P2RY2: variants seen among roughly 807,000 people sequenced by gnomAD.
P2RY2 encodes the protein P2Y purinoceptor 2.
For synonymous variants in P2RY2, 241 were observed against 231.9 expected (o/e 1.04, Z -0.35); for missense variants, 567 against 515.7 (o/e 1.10, Z -0.96).
At chr11:73,230,919 T>G (rs1591635158) in intron 2 of P2RY2, among the ~76,000 whole-genome samples, 2 of 1,166 alleles carry the variant, frequency 1.7e-3, no homozygotes, top group Admixed American at 0.01. Context: ...TTTTTGTGGG[T>G]GGGTGGGTGG....
intron 2 of P2RY2, among the ~76,000 whole-genome samples, chr11:73,229,489 TGGCTGTCCCTCTAAGGCAGG>T (rs1332461152): frequency 7.9e-5 from 12 of 151,998 alleles, no homozygotes; most frequent in East Asian, 3.9e-4. Flanking sequence ...GCTGGGGACT[TGGCTGTCCCTCTAAGGCAGG>T]GGCTGTCCCT....
chr11:73,231,997 C>T (rs947058229), intron 2 of P2RY2, among the ~76,000 whole-genome samples: 2 of 152,142 alleles, frequency 1.3e-5, no homozygotes, highest in East Asian at 3.8e-4. Context: ...TTGCAGTGAG[C>T]CGAGATCAGG....
chr11:73,224,940 G>C (rs559804411), intron 1 of P2RY2, among the ~76,000 whole-genome samples: 5 of 152,358 alleles, frequency 3.3e-5, no homozygotes, highest in Admixed American at 6.5e-5. Flanking sequence ...AGGAAATTGA[G>C]ATCTGGGTTT....
chr11:73,234,210 T>G lies in P2RY2; in HGVS notation c.51T>G (p.Asp17Glu). The change falls in exon 3 of 3, where the codon GAT becomes GAG. Residue 17 changes from aspartate (D) to glutamate (E), a missense_variant. Asp to Glu is a conservative substitution (Grantham distance 45, BLOSUM62 2). Transcript: ENST00000393597. The stretch of plus-strand genomic sequence containing the variant: ...ATGACACCATCAATGGCACCTGGGA[T>G]GGGGATGAGCTGGGCTACAGGTGCC... The part of the protein sequence containing the change: ...PWNDTINGTW[D>E]GDELGYRCRF... 6.2e-7 allele frequency: 1 copy of G among 1,613,936 alleles called. No individual in the cohort carries two copies. The highest frequency in any genetic ancestry group is 8.5e-7 in the Non-Finnish European group (1 of 1,179,930).
rs536206854 is a variant in P2RY2 at position 73,235,162 on chromosome 11, A to T, written c.1003A>T (p.Arg335Trp). ...GPSPATPARRRLGLRRSDRTD... is the reference protein window; with the variant it reads ...GPSPATPARRWLGLRRSDRTD... Reference sequence around the variant, plus strand: ...CAGCCCTGCCACCCCGGCTCGCCGCAGGCTGGGCCTGCGCAGATCCGACAG... The same window carrying T: ...CAGCCCTGCCACCCCGGCTCGCCGCTGGCTGGGCCTGCGCAGATCCGACAG... The change falls in exon 3 of 3, where the codon AGG becomes TGG. Residue 335 changes from arginine (R) to tryptophan (W), a missense_variant. Physicochemically the swap from Arg to Trp is moderately radical, Grantham distance 101. Coordinates refer to ENST00000393597, the MANE Select transcript of P2RY2 (RefSeq NM_002564.4). 1.2e-6 allele frequency: 2 copies of T among 1,608,394 alleles called. No homozygotes were observed. Among genetic ancestry groups the T allele is most frequent in the Non-Finnish European group, 1.7e-6 (2 of 1,179,296 alleles).
intron 2 of P2RY2, among the ~76,000 whole-genome samples, chr11:73,229,136 A>C (rs1862374431): frequency 6.6e-6 from 1 of 152,192 alleles, no homozygotes. Flanking sequence ...GTTGGGGTAG[A>C]GGATGGAAGG....
intron 1 of P2RY2, among the ~76,000 whole-genome samples, chr11:73,218,907 T>G (rs1862041536): frequency 6.6e-6 from 1 of 151,652 alleles, no homozygotes; most frequent in South Asian, 2.1e-4. Flanking sequence ...CTACCATTGG[T>G]AATGTTGAGG....
chr11:73,231,573 A>G (rs1862460362), intron 2 of P2RY2, among the ~76,000 whole-genome samples: 1 of 151,644 alleles, frequency 6.6e-6, no homozygotes, highest in African/African-American at 2.4e-5. Flanking sequence ...AAAAAAAAAA[A>G]AGAAAGAAAA....
intron 1 of P2RY2, among the ~76,000 whole-genome samples, chr11:73,221,144 A>T (rs1470079543): frequency 1.3e-5 from 2 of 152,230 alleles, no homozygotes; most frequent in Non-Finnish European, 2.9e-5. Flanking sequence ...CTATAAGAGA[A>T]CATGGGTGCA....
Position 73,235,722 on chromosome 11 carries a change from G to C in P2RY2, c.*429G>C. The stretch of plus-strand genomic sequence containing the variant: ...TACCTGGGGTGGGGGCCAAGTCACA[G>C]GTTGGCCAGAAAACCCTGGTAAGTA... On this transcript the variant is annotated 3_prime_UTR_variant, in exon 3 of 3. Coordinates refer to ENST00000393597, the MANE Select transcript of P2RY2 (RefSeq NM_002564.4). 3.0e-6 allele frequency: 3 copies of C among 1,007,310 alleles called. No individual in the cohort carries two copies. The highest frequency in any genetic ancestry group is 3.6e-6 in the Non-Finnish European group (3 of 835,108). 62.4% of individuals were successfully genotyped at this position (1,007,310 alleles called of 1,614,324 possible). A position where few individuals can be genotyped will look rare whatever the true frequency, so the allele number is the denominator to read the frequency against.
At position 73,237,706 on chromosome 11, in the gene P2RY2, G is replaced by T. The variant is rs1862687893; in HGVS notation, c.*2413G>T. ...ATACTGGAGACCCTGGGTGAACCAG[G>T]GGCACCTCTGGAACCCAGTTGGACT... On this transcript the variant is annotated 3_prime_UTR_variant, in exon 3 of 3. Transcript: ENST00000393597. 6.6e-6 allele frequency among the ~76,000 whole-genome samples: 1 copy of T among 152,150 alleles called. No homozygotes were observed. Among genetic ancestry groups the T allele is most frequent in the Non-Finnish European group, 1.5e-5 (1 of 68,020 alleles).
chr11:73,238,019 A>T lies in P2RY2; in HGVS notation c.*2726A>T, dbSNP rs1349726703. Among the ~76,000 whole-genome samples, 3 of 152,222 alleles carry T rather than the reference A, an allele frequency of 2.0e-5. No homozygotes were observed. The highest frequency in any genetic ancestry group is 4.4e-5 in the Non-Finnish European group (3 of 68,034). On this transcript the variant is annotated 3_prime_UTR_variant, in exon 3 of 3. Transcript: ENST00000393597. ...GAAGGCCACTGTGAAAGGGCACGTGAGTTGCCCATCCACTGAGCAGACCCC... is the reference window on the plus strand; with the variant it reads ...GAAGGCCACTGTGAAAGGGCACGTGTGTTGCCCATCCACTGAGCAGACCCC...
In P2RY2 at chr11:73,237,124, A is replaced by G. The variant is rs1255009577; in HGVS notation, c.*1831A>G. On this transcript the variant is annotated 3_prime_UTR_variant, in exon 3 of 3. Coordinates refer to ENST00000393597, the MANE Select transcript of P2RY2 (RefSeq NM_002564.4). The stretch of plus-strand genomic sequence containing the variant: ...CTCATGTGACAGAGACCCATCACAG[A>G]CCATGACCCAAATGATTACTCTGTA... The G allele has an allele frequency of 1.0e-6, 1 of 985,238 alleles. No homozygotes were observed. The highest frequency in any genetic ancestry group is 1.2e-6 in the Non-Finnish European group (1 of 829,902). The allele number at this position is 985,238 out of a possible 1,614,324, so 61.0% of individuals were successfully genotyped here.
chr11:73,219,141 G>T (rs1451817720), intron 1 of P2RY2, among the ~76,000 whole-genome samples: 2 of 152,180 alleles, frequency 1.3e-5, no homozygotes, highest in Admixed American at 6.5e-5. Flanking sequence ...TTGCCAGCTC[G>T]GGATTTGTGG....
rs1862666479 is a variant in P2RY2 at position 73,236,888 on chromosome 11, C to T, written c.*1595C>T. 6.1e-6 allele frequency: 6 copies of T among 985,040 alleles called. No homozygotes were observed. The South Asian group carries it at 1.9e-4, about 31-fold the overall frequency. 61.0% of individuals were successfully genotyped at this position (985,040 alleles called of 1,614,324 possible). A position where few individuals can be genotyped will look rare whatever the true frequency, so the allele number is the denominator to read the frequency against. ...TGTGGCGCTCAGCTGGACAGGGCCC[C>T]GCCCTAGCCTTTGGAAAGGGACAGG... On this transcript the variant is annotated 3_prime_UTR_variant, in exon 3 of 3. Transcript: ENST00000393597.
chr11:73,218,592 T>A (rs1175458060), intron 1 of P2RY2, 160 bp downstream of exon 1: 2 of 151,596 alleles, frequency 1.3e-5, no homozygotes, highest in Non-Finnish European at 2.9e-5. Flanking sequence ...AGCGCATAAC[T>A]GGACGGCTTG....
intron 2 of P2RY2, among the ~76,000 whole-genome samples, chr11:73,232,891 C>G (rs973997277): frequency 6.6e-6 from 1 of 152,088 alleles, no homozygotes; most frequent in Non-Finnish European, 1.5e-5. Flanking sequence ...TCTTCCAGGC[C>G]GGGATGTCTG....
chr11:73,240,892 A>T lies in P2RY2; in HGVS notation c.*5599A>T, dbSNP rs1862760471. The T allele has an allele frequency of 1.3e-5, 2 of 152,308 alleles. No individual in the cohort carries two copies. The highest frequency in any genetic ancestry group is 4.8e-5 in the African/African-American group (2 of 41,466). The allele number at this position is 152,308 out of a possible 1,614,324, so 9.4% of individuals were successfully genotyped here. ...CCCCACTGAGTCCCATTTTTACCAA[A>T]TGTGGCTGTTAGGAACTGAATGTTT... On this transcript the variant is annotated 3_prime_UTR_variant, in exon 3 of 3. Coordinates refer to ENST00000393597, the MANE Select transcript of P2RY2 (RefSeq NM_002564.4).
chr11:73,224,475 C>T (rs909615098), intron 1 of P2RY2, among the ~76,000 whole-genome samples: 1 of 152,248 alleles, frequency 6.6e-6, no homozygotes, highest in Admixed American at 6.5e-5. Flanking sequence ...TCCTTGGCTT[C>T]CTCCAGGCCT....
Sources: allele counts gnomAD v4.1 joint callset (sites outside exome capture counted in the v4.1 genomes callset), GRCh38; gene constraint gnomAD v4.1.1; transcripts MANE v1.5; gene names NCBI Gene and HGNC (gene_info 2026-07-23, HGNC 2026-07-21).